Variants in LGR6 observed in about 807,000 individuals in gnomAD.
LGR6 encodes the protein leucine rich repeat containing G protein-coupled receptor 6.
A neutral mutation model predicts 69.4 loss-of-function variants in LGR6; 45 were observed. The observed-to-expected ratio is 0.65, with a 90% CI of 0.51 to 0.83. The LOEUF is 0.83. Ranked by LOEUF, LGR6 falls within the 40% of genes least tolerant of loss-of-function variation. The pLI is 0.00. For missense variants in LGR6, 1,108 were observed against 1,246.7 expected (o/e 0.89, Z 1.68); for synonymous variants, 538 against 555.0 (o/e 0.97, Z 0.43).
intron 1 of LGR6, among the ~76,000 whole-genome samples, chr1:202,199,404 G>T (rs763875924): frequency 2.6e-5 from 4 of 152,152 alleles, no homozygotes; most frequent in East Asian, 1.9e-4. Context: ...GTGAATGTGT[G>T]GGGGAGCCAA....
intron 1 of LGR6, among the ~76,000 whole-genome samples, chr1:202,209,776 C>T (rs1659390311): frequency 1.3e-5 from 2 of 152,190 alleles, no homozygotes; most frequent in African/African-American, 4.8e-5. Flanking sequence ...TGCAGAAGCT[C>T]AGGCCTCAAC....
rs1196726436 is a variant in LGR6, at chr1:202,310,305, G to A, written c.1515G>A (p.Glu505=). The change falls in exon 16 of 18, where the codon GAG becomes GAA. Residue 505 remains glutamate, a synonymous_variant. Coordinates refer to ENST00000367278, the MANE Select transcript of LGR6 (RefSeq NM_001017403.2). ...WEAEDLHLDD[E]ESSKRPLGLL... ...CTGAAGACCTTCACCTTGATGATGA[G>A]GAGTCTTCAAAAAGGCCCCTGGGCC... 7 of 1,613,896 alleles carry A rather than the reference G, an allele frequency of 4.3e-6. No individual in the cohort carries two copies. The Admixed American group carries it at 1.2e-4, about 27-fold the overall frequency.
chr1:202,252,147 C>G (rs1490618639), intron 4 of LGR6, among the ~76,000 whole-genome samples: 1 of 152,124 alleles, frequency 6.6e-6, no homozygotes, highest in Non-Finnish European at 1.5e-5. Flanking sequence ...TAAATTATAC[C>G]TGTTTTCACC....
At chr1:202,305,644 C>T in intron 11 of LGR6, 40 bp from the exon 12 acceptor site, 10 of 1,582,722 alleles carry the variant, frequency 6.3e-6, no homozygotes, top group Non-Finnish European at 8.7e-6. Context: ...CTCAGATAGC[C>T]ACCATTTCAC....
At chr1:202,300,813 TC>T (rs774492417) in intron 7 of LGR6, 35 bp from the exon 8 acceptor site, 2 of 1,541,566 alleles carry the variant, frequency 1.3e-6, no homozygotes, top group Non-Finnish European at 1.8e-6. Context: ...TATACCTTTC[TC>T]CAAATCCTCA....
chr1:202,205,815 A>G (rs1659196018), intron 1 of LGR6, among the ~76,000 whole-genome samples: 1 of 139,342 alleles, frequency 7.2e-6, no homozygotes, highest in Non-Finnish European at 1.5e-5. Flanking sequence ...CACCTCCTTC[A>G]TACACACACA....
chr1:202,211,758 TG>T, intron 1 of LGR6, among the ~76,000 whole-genome samples: 2 of 152,298 alleles, frequency 1.3e-5, no homozygotes, highest in Non-Finnish European at 2.9e-5. Flanking sequence ...CAAATACACT[TG>T]TGTAACCAGC....
chr1:202,274,538 G>T (rs1259257367), intron 4 of LGR6, among the ~76,000 whole-genome samples: 1 of 152,182 alleles, frequency 6.6e-6, no homozygotes, highest in Non-Finnish European at 1.5e-5. Context: ...ATCAGATCTG[G>T]AAAACCTAGC....
chr1:202,222,637 G>A (rs1322900983), intron 1 of LGR6, among the ~76,000 whole-genome samples: 1 of 152,160 alleles, frequency 6.6e-6, no homozygotes, highest in Non-Finnish European at 1.5e-5. Context: ...AGCCAGGGGT[G>A]GGACACCAGG....
chr1:202,196,904 G>C, intron 1 of LGR6: 1 of 418,122 alleles, frequency 2.4e-6, no homozygotes, highest in Non-Finnish European at 4.9e-6. Flanking sequence ...TGGTTCTGGG[G>C]ACTTGGAGCC....
At chr1:202,266,406 G>A (rs904288836) in intron 4 of LGR6, among the ~76,000 whole-genome samples, 5 of 152,054 alleles carry the variant, frequency 3.3e-5, no homozygotes, top group African/African-American at 1.2e-4. Flanking sequence ...AAAGGGACTC[G>A]TCTGAAGTCA....
intron 4 of LGR6, among the ~76,000 whole-genome samples, chr1:202,262,406 T>C (rs1363977669): frequency 6.6e-6 from 1 of 152,090 alleles, no homozygotes; most frequent in African/African-American, 2.4e-5. Context: ...TGTAGATATG[T>C]GGCATTATTT....
chr1:202,193,952 G>T lies in LGR6; in HGVS notation c.-38G>T, dbSNP rs1242975416. 1.6e-6 allele frequency: 2 copies of T among 1,259,030 alleles called. No homozygotes were observed. Among genetic ancestry groups the T allele is most frequent in the Non-Finnish European group, 2.0e-6 (2 of 993,422 alleles). 78.0% of individuals were successfully genotyped at this position (1,259,030 alleles called of 1,614,324 possible). The stretch of plus-strand genomic sequence containing the variant: ...TGCGGCCATCGCGCCGTGCGTCCGC[G>T]CCCGGCCGCCAGGTGCCCCAGTAGC... On this transcript the variant is annotated 5_prime_UTR_variant, in exon 1 of 18. Transcript: ENST00000367278.
At chr1:202,256,555 TTTATAGCTGAA>T (rs1461701954) in intron 4 of LGR6, among the ~76,000 whole-genome samples, 1 of 152,228 alleles carries the variant, frequency 6.6e-6, no homozygotes, top group Non-Finnish European at 1.5e-5. Flanking sequence ...CTTATTCCTT[TTTATAGCTGAA>T]TTATATTCCT....
At chr1:202,229,351 G>C (rs1660821520) in intron 3 of LGR6, among the ~76,000 whole-genome samples, 1 of 152,016 alleles carries the variant, frequency 6.6e-6, no homozygotes, top group South Asian at 2.1e-4. Flanking sequence ...GCTTCTTCCT[G>C]TCTCCTCTCT....
rs140165672 is a variant in LGR6 at position 202,214,177 on chromosome 1, G to A, written c.213-11246G>A. The A allele has an allele frequency of 1.1e-5, 17 of 1,527,612 alleles. No homozygotes were observed. The African/African-American group carries it at 2.0e-4, about 18-fold the overall frequency. The allele number at this position is 1,527,612 out of a possible 1,614,324, so 94.6% of individuals were successfully genotyped here. On this transcript the variant is annotated intron_variant, in intron 1 of 17. Coordinates refer to ENST00000367278, the MANE Select transcript of LGR6 (RefSeq NM_001017403.2). ...GGAATGCGCTTGGAGGGAGAGGGCC[G>A]CTCAGCGAGGGCGGGACAGAACCTC...
At chr1:202,283,624 G>A (rs788815) in intron 6 of LGR6, among the ~76,000 whole-genome samples, 11,353 of 152,232 alleles carry the variant, frequency 0.075, 1,006 homozygotes, top group East Asian at 0.41. Flanking sequence ...TGGGGAAAGC[G>A]GCCCCCAGCC....
intron 16 of LGR6, among the ~76,000 whole-genome samples, chr1:202,311,618 C>G (rs1430104979): frequency 3.9e-5 from 6 of 152,188 alleles, no homozygotes; most frequent in Admixed American, 3.9e-4. Context: ...TGAGATCGCA[C>G]CACTGCAAAC....
chr1:202,291,770 G>A (rs1464379268), intron 6 of LGR6, among the ~76,000 whole-genome samples: 1 of 152,164 alleles, frequency 6.6e-6, no homozygotes, highest in Non-Finnish European at 1.5e-5. Flanking sequence ...GGCCATTATG[G>A]TACCTACCTC....
Sources: gnomAD v4.1 joint callset for allele counts (sites outside exome capture counted in the v4.1 genomes callset) on GRCh38, gnomAD v4.1.1 for gene constraint, MANE v1.5 for transcripts, NCBI Gene and HGNC (gene_info 2026-07-23, HGNC 2026-07-21) for gene names.